The following DENND1A variants were observed in gnomAD, a reference collection of about 807,000 sequenced individuals.
DENND1A encodes the protein DENN domain containing 1A, also known as DENN domain-containing protein 1A.
In DENND1A, 51 loss-of-function variants were observed where a neutral mutation model predicts 113.7. The ratio of observed to expected loss-of-function variants is 0.45; its 90% CI spans 0.36 to 0.57. The LOEUF (loss-of-function observed/expected upper bound fraction) is 0.57, where lower values mean the gene tolerates loss of function less well. Ranked by LOEUF, DENND1A falls within the 20% of genes least tolerant of loss-of-function variation. DENND1A has a pLI of 0.00. For missense variants in DENND1A, 1,258 were observed against 1,395.9 expected, an observed-to-expected ratio of 0.90 and a Z score of 1.57; for synonymous variants, 565 against 570.8, an observed-to-expected ratio of 0.99 and a Z score of 0.14.
chr9:123,583,065 A>G, intron 12 of DENND1A, 104 bp downstream of exon 12: 1 of 854,388 alleles, frequency 1.2e-6, no homozygotes, highest in East Asian at 2.6e-5. Flanking sequence ...CTCAGGTCAC[A>G]GGAAAACCCT....
At chr9:123,832,813 G>A (rs1308290694) in intron 2 of DENND1A, among the ~76,000 whole-genome samples, 2 of 152,154 alleles carry the variant, frequency 1.3e-5, no homozygotes, top group African/African-American at 2.4e-5. Flanking sequence ...TTGAACAACA[G>A]GTAAAAATGA....
chr9:123,640,485 T>C (rs1211975756), intron 9 of DENND1A, among the ~76,000 whole-genome samples: 3 of 152,196 alleles, frequency 2.0e-5, no homozygotes, highest in Non-Finnish European at 4.4e-5. Context: ...GGAGAAGTGG[T>C]CCGTACGCAA....
chr9:123,835,543 T>C (rs1338252596), intron 2 of DENND1A, among the ~76,000 whole-genome samples: 2 of 151,894 alleles, frequency 1.3e-5, no homozygotes, highest in Non-Finnish European at 2.9e-5. Flanking sequence ...TAATAATACA[T>C]TTCAAAAATC....
At chr9:123,637,297 C>G (rs79270342) in intron 9 of DENND1A, among the ~76,000 whole-genome samples, 1 of 152,160 alleles carries the variant, frequency 6.6e-6, no homozygotes, top group African/African-American at 2.4e-5. Flanking sequence ...TCATTTTGAC[C>G]AGGGATCATC....
chr9:123,515,675 G>A (rs2053834415), intron 13 of DENND1A, among the ~76,000 whole-genome samples: 1 of 152,102 alleles, frequency 6.6e-6, no homozygotes, highest in African/African-American at 2.4e-5. Context: ...TTTTAGAGAT[G>A]CTTACTAATT....
chr9:123,503,930 A>T (rs1486981075), intron 13 of DENND1A, among the ~76,000 whole-genome samples: 1 of 152,130 alleles, frequency 6.6e-6, no homozygotes, highest in Non-Finnish European at 1.5e-5. Flanking sequence ...CTGACAGGGG[A>T]ACTGAGTCAT....
At chr9:123,555,914 G>A (rs531221712) in intron 13 of DENND1A, among the ~76,000 whole-genome samples, 5 of 152,324 alleles carry the variant, frequency 3.3e-5, no homozygotes, top group African/African-American at 1.2e-4. Context: ...AATACTTCAA[G>A]TCTGTCCATT....
chr9:123,836,483 G>A (rs940164784), intron 2 of DENND1A, among the ~76,000 whole-genome samples: 2 of 151,442 alleles, frequency 1.3e-5, no homozygotes, highest in African/African-American at 2.4e-5. Context: ...GGAAAAATAC[G>A]GTTAAGAAGA....
rs528044973 is a variant in DENND1A, at chr9:123,636,846, G to A, written c.619-6370C>T. On this transcript the variant is annotated intron_variant, in intron 9 of 23. Coordinates refer to ENST00000394215, the MANE Select transcript of DENND1A (RefSeq NM_001352964.2). ...CGAGTCGCTGGGATTACAGGCATGC[G>A]CCACCATGCCCAGCTAATTTTGTAT... 2.6e-5 allele frequency among the ~76,000 whole-genome samples: 4 copies of A among 151,798 alleles called. No individual in the cohort carries two copies. In the South Asian group the frequency reaches 6.3e-4, roughly 24 times the overall value.
intron 5 of DENND1A, among the ~76,000 whole-genome samples, chr9:123,714,776 T>C (rs928913847): frequency 1.3e-5 from 2 of 152,204 alleles, no homozygotes; most frequent in Non-Finnish European, 2.9e-5. Context: ...TGAAAATTGA[T>C]TCCATCCTAG....
intron 3 of DENND1A, among the ~76,000 whole-genome samples, chr9:123,781,489 A>T (rs1454583307): frequency 6.6e-6 from 1 of 152,240 alleles, no homozygotes; most frequent in Non-Finnish European, 1.5e-5. Flanking sequence ...TCTGGGATGT[A>T]GATACAATAT....
At chr9:123,438,543 C>G (rs1011874656) in intron 19 of DENND1A, among the ~76,000 whole-genome samples, 1 of 152,076 alleles carries the variant, frequency 6.6e-6, no homozygotes, top group Admixed American at 6.5e-5. Flanking sequence ...AGGGAGAGCC[C>G]GCTGCATGGC....
intron 5 of DENND1A, among the ~76,000 whole-genome samples, chr9:123,679,935 C>G (rs1340133559): frequency 6.6e-6 from 1 of 152,136 alleles, no homozygotes; most frequent in Non-Finnish European, 1.5e-5. Context: ...TGAGTCCCCA[C>G]TGCGGAGTAC....
Position 123,453,012 on chromosome 9 carries a change from G to A in DENND1A, c.1228-665C>T, listed in dbSNP as rs761115007. 7.4e-4 allele frequency among the ~76,000 whole-genome samples: 113 copies of A among 152,328 alleles called. 2 individuals carry two copies. Among genetic ancestry groups the A allele is most frequent in the Non-Finnish European group, 2.8e-4 (19 of 68,034 alleles). ...ACTTTCTTTAGGAGCAAAAGTGGGA[G>A]GAAGGAGGAGGGAAGGCCTTCCCGC... is the stretch of plus-strand genomic sequence containing the variant. On this transcript the variant is annotated intron_variant, in intron 16 of 23. Coordinates refer to ENST00000394215, the MANE Select transcript of DENND1A (RefSeq NM_001352964.2).
chr9:123,790,094 A>G (rs554621062), intron 3 of DENND1A, among the ~76,000 whole-genome samples: 2 of 152,156 alleles, frequency 1.3e-5, no homozygotes, highest in African/African-American at 2.4e-5. Flanking sequence ...TTTTAATACT[A>G]GAAATGTTGT....
At chr9:123,384,051 G>C (rs1273757785) in intron 22 of DENND1A, 138 bp from the exon 23 acceptor site, 1 of 1,180,968 alleles carries the variant, frequency 8.5e-7, no homozygotes, top group Non-Finnish European at 1.2e-6. Flanking sequence ...CGGGGTCTCC[G>C]TGAGGGCAGG....
chr9:123,725,891 A>T (rs192889439), intron 5 of DENND1A, among the ~76,000 whole-genome samples: 3 of 152,372 alleles, frequency 2.0e-5, no homozygotes. Context: ...CTTATAAACT[A>T]AATTCTAACA....
intron 18 of DENND1A, among the ~76,000 whole-genome samples, chr9:123,450,124 C>T (rs906902222): frequency 4.6e-5 from 7 of 151,820 alleles, no homozygotes; most frequent in Non-Finnish European, 4.4e-5. Context: ...CTTTTACTGA[C>T]GGCTGGTGAA....
At chr9:123,879,759 A>C (rs1167919205) in intron 1 of DENND1A, among the ~76,000 whole-genome samples, 1 of 152,196 alleles carries the variant, frequency 6.6e-6, no homozygotes, top group Non-Finnish European at 1.5e-5. Flanking sequence ...TAAAACACGA[A>C]TGTGACAAGA....
Sources: gnomAD v4.1 joint callset for allele counts (sites outside exome capture counted in the v4.1 genomes callset) on GRCh38, gnomAD v4.1.1 for gene constraint, MANE v1.5 for transcripts, NCBI Gene and HGNC (gene_info 2026-07-23, HGNC 2026-07-21) for gene names.